LTBP1: variants seen among roughly 807,000 people sequenced by gnomAD.
LTBP1 encodes latent transforming growth factor beta binding protein 1.
A neutral mutation model predicts 207.6 loss-of-function variants in LTBP1; 129 were observed. The observed-to-expected ratio is 0.62, with a 90% CI of 0.54 to 0.72. The LOEUF is 0.72. LTBP1 is among the 30% of genes least tolerant of loss of function. LTBP1 has a pLI of 0.00. For synonymous variants in LTBP1, 963 were observed against 833.7 expected (o/e 1.16, Z -2.67); for missense variants, 2,281 against 2,217.2 (o/e 1.03, Z -0.58).
At chr2:33,252,163 A>G (rs1253509441) in intron 10 of LTBP1, among the ~76,000 whole-genome samples, 1 of 152,160 alleles carries the variant, frequency 6.6e-6, no homozygotes, top group Non-Finnish European at 1.5e-5. Flanking sequence ...ATTCATGTTC[A>G]CTGGCGTAGG....
chr2:33,335,203 G>T (rs75225965), intron 24 of LTBP1, among the ~76,000 whole-genome samples: 2 of 151,332 alleles, frequency 1.3e-5, no homozygotes, highest in Admixed American at 6.6e-5. Flanking sequence ...TGTCTCATTG[G>T]CCAGCCTTCT....
At chr2:33,192,775 G>C (rs1375622928) in intron 7 of LTBP1, among the ~76,000 whole-genome samples, 2 of 152,152 alleles carry the variant, frequency 1.3e-5, no homozygotes, top group East Asian at 1.9e-4. Flanking sequence ...CTGTTTTAGA[G>C]GCTGTGAAGT....
At chr2:33,274,210 A>G (rs2093378459) in intron 16 of LTBP1, among the ~76,000 whole-genome samples, 1 of 152,104 alleles carries the variant, frequency 6.6e-6, no homozygotes, top group African/African-American at 2.4e-5. Flanking sequence ...TGCTGGCCTG[A>G]AGGTGTCAGT....
intron 23 of LTBP1, among the ~76,000 whole-genome samples, chr2:33,314,423 A>G (rs1573786416): frequency 6.6e-6 from 1 of 152,006 alleles, no homozygotes; most frequent in Admixed American, 6.6e-5. Flanking sequence ...TGGGGCCAGT[A>G]CCTTAGTGCC....
At chr2:33,250,586 T>G (rs888222444) in intron 10 of LTBP1, among the ~76,000 whole-genome samples, 2 of 152,068 alleles carry the variant, frequency 1.3e-5, no homozygotes, top group Non-Finnish European at 2.9e-5. Context: ...CCTCCAGTGA[T>G]CCACATTCCC....
rs755558901 is a variant in LTBP1, at chr2:33,363,558, T to C, written c.4399+40T>C. ...GATATAGTATGGTGTACTGTGAAAA[T>C]ATACAGATGGAAAAAATAACTATGC... On this transcript the variant is annotated intron_variant, in intron 29 of 33. Transcript: ENST00000404816. The C allele has an allele frequency of 5.1e-6, 8 of 1,568,302 alleles. No homozygotes were observed. The South Asian group carries it at 9.6e-5, about 19-fold the overall frequency.
chr2:32,976,442 C>G lies in LTBP1; in HGVS notation c.565+27497C>G, dbSNP rs142279687. Among the ~76,000 whole-genome samples the G allele has an allele frequency of 2.4e-3, 363 of 152,284 alleles. 4 individuals are homozygous for G. Among genetic ancestry groups the G allele is most frequent in the African/African-American group, 8.4e-3 (351 of 41,556 alleles). ...CCTTTGCATTAAGTTTTCATAGGCA[C>G]TATATCCTGGCAAAATATTTTACCA... On this transcript the variant is annotated intron_variant, in intron 2 of 33. Transcript: ENST00000404816.
At chr2:33,093,696 A>G (rs959036263) in intron 3 of LTBP1, among the ~76,000 whole-genome samples, 11 of 152,194 alleles carry the variant, frequency 7.2e-5, no homozygotes, top group Non-Finnish European at 1.5e-4. Context: ...TGGTTTAAAA[A>G]TAACAATGAT....
chr2:32,992,339 G>T (rs1308807156), intron 2 of LTBP1, among the ~76,000 whole-genome samples: 1 of 152,196 alleles, frequency 6.6e-6, no homozygotes, highest in Admixed American at 6.5e-5. Context: ...AGGAGGGAAG[G>T]GAGATAGGCA....
At chr2:33,169,388 T>C (rs781078867) in intron 5 of LTBP1, among the ~76,000 whole-genome samples, 33 of 152,146 alleles carry the variant, frequency 2.2e-4, no homozygotes, top group Non-Finnish European at 4.1e-4. Flanking sequence ...CTTTAGAAAA[T>C]AGGAAAGGAA....
Position 33,193,487 on chromosome 2 carries a change from G to A in LTBP1, c.1701+4636G>A, listed in dbSNP as rs1246060899. On this transcript the variant is annotated intron_variant, in intron 7 of 33. Coordinates refer to ENST00000404816, the MANE Select transcript of LTBP1 (RefSeq NM_206943.4). ...ATAGATGAATGCTGAAAGTTTTAGG[G>A]GTGAAATTCCATGATGTTCGTAGTT... 5.3e-5 allele frequency among the ~76,000 whole-genome samples: 8 copies of A among 152,092 alleles called. No individual in the cohort carries two copies. The East Asian group carries it at 1.5e-3, about 29-fold the overall frequency.
intron 3 of LTBP1, among the ~76,000 whole-genome samples, chr2:33,095,661 A>G (rs1291931969): frequency 6.6e-6 from 1 of 152,186 alleles, no homozygotes; most frequent in East Asian, 1.9e-4. Flanking sequence ...AGTGCACAAG[A>G]CTTAAAAAGC....
intron 22 of LTBP1, among the ~76,000 whole-genome samples, chr2:33,305,534 G>A (rs755767474): frequency 2.4e-4 from 36 of 152,278 alleles, no homozygotes; most frequent in African/African-American, 2.9e-4. Context: ...GCGGATGCCC[G>A]AGGAACCAGC....
At chr2:32,958,301 C>T (rs1678428891) in intron 2 of LTBP1, among the ~76,000 whole-genome samples, 1 of 152,156 alleles carries the variant, frequency 6.6e-6, no homozygotes, top group African/African-American at 2.4e-5. Context: ...GAGCAGGGCC[C>T]CTGCACAGTA....
At chr2:33,000,832 G>C (rs560275198) in intron 2 of LTBP1, among the ~76,000 whole-genome samples, 1 of 134,790 alleles carries the variant, frequency 7.4e-6, no homozygotes, top group African/African-American at 2.6e-5. Flanking sequence ...GGAGAGGTAA[G>C]AGGAGAACCA....
intron 2 of LTBP1, among the ~76,000 whole-genome samples, chr2:32,985,072 T>C (rs1683336321): frequency 6.6e-6 from 1 of 152,346 alleles, no homozygotes. Flanking sequence ...ACTTATATTT[T>C]GGATAAGGTA....
At chr2:32,959,617 A>ATTTTTTTTTTTTTTTTTTT (rs1373102884) in intron 2 of LTBP1, among the ~76,000 whole-genome samples, 2 of 38,554 alleles carry the variant, frequency 5.2e-5, no homozygotes, top group Non-Finnish European at 9.4e-5. Flanking sequence ...ATATATATAT[A>ATTTTTTTTTTTTTTTTTTT]TATATTTTTT....
intron 4 of LTBP1, among the ~76,000 whole-genome samples, chr2:33,133,834 T>G (rs1393037890): frequency 6.6e-6 from 1 of 152,202 alleles, no homozygotes; most frequent in East Asian, 1.9e-4. Flanking sequence ...TTGGAAAAAC[T>G]GAACTGAACT....
chr2:33,359,316 G>A (rs918919289), intron 26 of LTBP1, among the ~76,000 whole-genome samples: 3 of 152,044 alleles, frequency 2.0e-5, no homozygotes, highest in East Asian at 1.9e-4. Flanking sequence ...GTAGCTTTTC[G>A]GATAGAATTT....
Sources: gnomAD v4.1 joint callset for allele counts (sites outside exome capture counted in the v4.1 genomes callset) on GRCh38, gnomAD v4.1.1 for gene constraint, MANE v1.5 for transcripts, NCBI Gene and HGNC (gene_info 2026-07-23, HGNC 2026-07-21) for gene names.